OCA2: variants seen among roughly 807,000 people sequenced by gnomAD.
The protein encoded by OCA2 is OCA2 melanosomal transmembrane protein.
A neutral mutation model predicts 100.2 loss-of-function variants in OCA2; 77 were observed. The ratio of observed to expected loss-of-function variants is 0.77; its 90% CI spans 0.64 to 0.93. The LOEUF is 0.93. Ranked by LOEUF, OCA2 falls within the 40% of genes least tolerant of loss-of-function variation. OCA2 has a pLI of 0.00. For missense variants in OCA2, 1,062 were observed against 1,089.1 expected, an observed-to-expected ratio of 0.98 and a Z score of 0.35; for synonymous variants, 432 against 439.2, an observed-to-expected ratio of 0.98 and a Z score of 0.21.
At chr15:27,907,226 T>C (rs1006572600) in intron 19 of OCA2, among the ~76,000 whole-genome samples, 6 of 152,114 alleles carry the variant, frequency 3.9e-5, no homozygotes, top group Non-Finnish European at 1.5e-5. Context: ...GCTAGAAAAT[T>C]ACTAAGAAAA....
chr15:27,839,034 C>A (rs2036213), intron 23 of OCA2, among the ~76,000 whole-genome samples: 54,031 of 151,914 alleles, frequency 0.36, 9,880 homozygotes, highest in Middle Eastern at 0.53. Flanking sequence ...GTTTTGAAAG[C>A]AGAAATACTT....
intron 1 of OCA2, among the ~76,000 whole-genome samples, chr15:28,082,619 G>A (rs2044681977): frequency 6.6e-6 from 1 of 152,188 alleles, no homozygotes; most frequent in Non-Finnish European, 1.5e-5. Context: ...CTATGGATGT[G>A]TAAAGAATAA....
chr15:27,865,639 G>A lies in OCA2; in HGVS notation c.2244+5515C>T, dbSNP rs542529505. ...GTGCAGAGAGGACCAGTTACTCTAAGGGTGTTTGGTTAGCGCCAACCCTGA... is the reference window on the plus strand; with the variant it reads ...GTGCAGAGAGGACCAGTTACTCTAAAGGTGTTTGGTTAGCGCCAACCCTGA... On this transcript the variant is annotated intron_variant, in intron 21 of 23. Coordinates refer to ENST00000354638, the MANE Select transcript of OCA2 (RefSeq NM_000275.3). Among the ~76,000 whole-genome samples, 7 of 152,290 alleles carry A rather than the reference G, an allele frequency of 4.6e-5. No individual in the cohort carries two copies. In the East Asian group the frequency reaches 1.4e-3, roughly 29 times the overall value.
chr15:27,965,048 T>C (rs1241659050), intron 15 of OCA2, among the ~76,000 whole-genome samples: 1 of 152,198 alleles, frequency 6.6e-6, no homozygotes, highest in Admixed American at 6.5e-5. Context: ...CAACACAGAA[T>C]TCCTGGGGAT....
At chr15:27,920,220 T>C (rs2038808054) in intron 19 of OCA2, among the ~76,000 whole-genome samples, 1 of 152,124 alleles carries the variant, frequency 6.6e-6, no homozygotes. Flanking sequence ...AGCTTACTGC[T>C]GTCACATTAG....
chr15:27,763,439 T>C (rs2030997075), intron 23 of OCA2, among the ~76,000 whole-genome samples: 1 of 152,136 alleles, frequency 6.6e-6, no homozygotes, highest in African/African-American at 2.4e-5. Context: ...ATCTCAAAAC[T>C]CAGTGGTACA....
At chr15:27,847,897 C>T (rs1044954736) in intron 22 of OCA2, among the ~76,000 whole-genome samples, 4 of 152,186 alleles carry the variant, frequency 2.6e-5, no homozygotes, top group Non-Finnish European at 4.4e-5. Context: ...CCAGACACAG[C>T]GACAGCAGAG....
chr15:27,752,262 C>G (rs1162593616), downstream of OCA2, among the ~76,000 whole-genome samples: 4 of 152,314 alleles, frequency 2.6e-5, no homozygotes, highest in Admixed American at 1.3e-4. Context: ...CACGTGATGT[C>G]GGGCAAACTC....
At chr15:28,096,348 C>T (rs936027675) in intron 1 of OCA2, among the ~76,000 whole-genome samples, 1 of 152,054 alleles carries the variant, frequency 6.6e-6, no homozygotes, top group African/African-American at 2.4e-5. Context: ...GGTGGTCTGT[C>T]TGTGTCGGGC....
intron 2 of OCA2, among the ~76,000 whole-genome samples, chr15:28,075,370 A>T (rs1472909562): frequency 1.3e-5 from 2 of 152,228 alleles, no homozygotes; most frequent in Non-Finnish European, 2.9e-5. Flanking sequence ...AACCATAATA[A>T]GGTGCCTCTA....
At chr15:27,853,465 C>T (rs1361217643) in intron 21 of OCA2, among the ~76,000 whole-genome samples, 4 of 147,602 alleles carry the variant, frequency 2.7e-5, no homozygotes, top group African/African-American at 7.6e-5. Context: ...GGAGATATAC[C>T]TAATGCTAAA....
At chr15:27,871,383 G>A in intron 20 of OCA2, 125 bp from the exon 21 acceptor site, 2 of 736,942 alleles carry the variant, frequency 2.7e-6, no homozygotes, top group Middle Eastern at 3.1e-4. Context: ...CGAGACCAAG[G>A]CAGACATAGG....
intron 23 of OCA2, among the ~76,000 whole-genome samples, chr15:27,824,205 T>A (rs2034611930): frequency 6.6e-6 from 1 of 151,998 alleles, no homozygotes; most frequent in East Asian, 1.9e-4. Flanking sequence ...CCATCTCTAC[T>A]AAAAATACAA....
At chr15:27,988,963 G>C (rs1048368195) in intron 11 of OCA2, among the ~76,000 whole-genome samples, 1 of 152,196 alleles carries the variant, frequency 6.6e-6, no homozygotes, top group Non-Finnish European at 1.5e-5. Flanking sequence ...GTGCCCAGCT[G>C]TACACAGAGC....
At chr15:27,854,728 A>G (rs900029618) in intron 21 of OCA2, among the ~76,000 whole-genome samples, 3 of 152,226 alleles carry the variant, frequency 2.0e-5, no homozygotes, top group African/African-American at 7.2e-5. Context: ...CCAGTTATCA[A>G]TGAGCAGAGC....
chr15:27,983,555 AT>A (rs745411109), intron 13 of OCA2, 72 bp from the exon 14 acceptor site: 18 of 1,552,406 alleles, frequency 1.2e-5, no homozygotes, highest in Non-Finnish European at 1.6e-5. Flanking sequence ...CAACCCAGAG[AT>A]TTTTAAGGCG....
chr15:27,933,467 C>G (rs1165655444), intron 18 of OCA2, among the ~76,000 whole-genome samples: 1 of 152,110 alleles, frequency 6.6e-6, no homozygotes, highest in African/African-American at 2.4e-5. Flanking sequence ...TGGTGATTGT[C>G]ACGCGTGTCC....
At chr15:27,753,798 G>C (rs1042523129), downstream of OCA2, among the ~76,000 whole-genome samples, 7 of 152,060 alleles carry the variant, frequency 4.6e-5, no homozygotes, top group African/African-American at 1.7e-4. Flanking sequence ...CATGACTGAA[G>C]AGTAGAGAGA....
chr15:28,053,750 GCCT>G, intron 2 of OCA2, among the ~76,000 whole-genome samples: 1 of 152,342 alleles, frequency 6.6e-6, no homozygotes, highest in Non-Finnish European at 1.5e-5. Flanking sequence ...AACTAGCTGA[GCCT>G]ATTCTGGGCA....
Sources: allele counts gnomAD v4.1 joint callset (sites outside exome capture counted in the v4.1 genomes callset), GRCh38; gene constraint gnomAD v4.1.1; transcripts MANE v1.5; gene names NCBI Gene and HGNC (gene_info 2026-07-23, HGNC 2026-07-21).